CNTNAP2: variants seen among roughly 807,000 people sequenced by gnomAD.
CNTNAP2 encodes contactin associated protein 2, also known as contactin-associated protein-like 2.
In CNTNAP2, 98 loss-of-function variants were observed where a neutral mutation model predicts 155.2. That is an observed-to-expected ratio of 0.63 (90% CI 0.54 to 0.75). The LOEUF is 0.75. CNTNAP2 is among the 30% of genes least tolerant of loss of function. The pLI is 0.00. For synonymous variants in CNTNAP2, 651 were observed against 631.2 expected (o/e 1.03, Z -0.47); for missense variants, 1,727 against 1,688.1 (o/e 1.02, Z -0.40).
At chr7:147,504,413 G>A (rs1169386110) in intron 11 of CNTNAP2, among the ~76,000 whole-genome samples, 1 of 152,010 alleles carries the variant, frequency 6.6e-6, no homozygotes. Context: ...TTTAGTCCGG[G>A]CACAGTGGCT....
At chr7:147,779,136 T>G (rs892907178) in intron 13 of CNTNAP2, among the ~76,000 whole-genome samples, 1 of 152,224 alleles carries the variant, frequency 6.6e-6, no homozygotes, top group Admixed American at 6.5e-5. Flanking sequence ...CAGATAATAG[T>G]GAATAAAAAA....
chr7:146,135,301 T>A (rs924389608), intron 1 of CNTNAP2, among the ~76,000 whole-genome samples: 61 of 152,178 alleles, frequency 4.0e-4, no homozygotes, highest in Non-Finnish European at 5.1e-4. Flanking sequence ...TATGATATGA[T>A]TAGACGAAAA....
At chr7:146,551,004 A>G (rs542848041) in intron 1 of CNTNAP2, among the ~76,000 whole-genome samples, 5 of 152,226 alleles carry the variant, frequency 3.3e-5, no homozygotes, top group Admixed American at 6.5e-5. Context: ...GAAAATTTGT[A>G]GATGGTGGAA....
intron 1 of CNTNAP2, among the ~76,000 whole-genome samples, chr7:146,703,882 T>C (rs1800918779): frequency 6.6e-6 from 1 of 152,138 alleles, no homozygotes; most frequent in African/African-American, 2.4e-5. Flanking sequence ...CATTTGTCTT[T>C]CCATTTCTCT....
intron 13 of CNTNAP2, among the ~76,000 whole-genome samples, chr7:147,874,657 C>G (rs796338636): frequency 6.6e-6 from 1 of 152,212 alleles, no homozygotes; most frequent in Non-Finnish European, 1.5e-5. Context: ...TCCCTGTTGT[C>G]TTGGTGTTTA....
chr7:146,146,023 AATGAT>A (rs1797952152), intron 1 of CNTNAP2, among the ~76,000 whole-genome samples: 1 of 152,186 alleles, frequency 6.6e-6, no homozygotes, highest in South Asian at 2.1e-4. Context: ...CTAACCTTTA[AATGAT>A]ATATTTTGTT....
chr7:148,323,269 C>A, intron 21 of CNTNAP2, among the ~76,000 whole-genome samples: 1 of 140,336 alleles, frequency 7.1e-6, no homozygotes. Context: ...TCTTCTGTGC[C>A]ATATGGCTTC....
chr7:147,499,660 C>T (rs1798775056), intron 11 of CNTNAP2, among the ~76,000 whole-genome samples: 1 of 152,294 alleles, frequency 6.6e-6, no homozygotes, highest in African/African-American at 2.4e-5. Context: ...TAGTTCTCTC[C>T]CCCAAGCATG....
intron 11 of CNTNAP2, among the ~76,000 whole-genome samples, chr7:147,513,612 G>A (rs1304541944): frequency 6.6e-6 from 1 of 152,222 alleles, no homozygotes; most frequent in Non-Finnish European, 1.5e-5. Flanking sequence ...TGAAGCAAGT[G>A]TTGGATTCCC....
At chr7:147,356,234 AC>A (rs1445606876) in intron 9 of CNTNAP2, among the ~76,000 whole-genome samples, 1 of 152,004 alleles carries the variant, frequency 6.6e-6, no homozygotes, top group Non-Finnish European at 1.5e-5. Context: ...AAAATTCAAC[AC>A]CCCTTCATGC....
chr7:146,888,095 C>G (rs1021647540), intron 3 of CNTNAP2, among the ~76,000 whole-genome samples: 3 of 152,048 alleles, frequency 2.0e-5, no homozygotes, highest in Admixed American at 2.0e-4. Flanking sequence ...GCCTCAAGGA[C>G]CAGGTTTTTG....
At chr7:147,717,701 A>G (rs80151408) in intron 13 of CNTNAP2, among the ~76,000 whole-genome samples, 5,939 of 152,184 alleles carry the variant, frequency 0.039, 183 homozygotes, top group Non-Finnish European at 0.053. Flanking sequence ...ATTGATGAAA[A>G]AAATTTTGAG....
intron 12 of CNTNAP2, among the ~76,000 whole-genome samples, chr7:147,608,189 A>T (rs571079383): frequency 7.0e-6 from 1 of 142,070 alleles, no homozygotes. Context: ...TAGAATAATT[A>T]TTATCTTACT....
chr7:147,730,512 C>T (rs532540252), intron 13 of CNTNAP2, among the ~76,000 whole-genome samples: 2 of 152,066 alleles, frequency 1.3e-5, no homozygotes, highest in Admixed American at 6.6e-5. Flanking sequence ...GAACCATGAA[C>T]TCTGCCCGTA....
At chr7:148,187,923 C>T (rs532569467) in intron 18 of CNTNAP2, among the ~76,000 whole-genome samples, 1 of 152,018 alleles carries the variant, frequency 6.6e-6, no homozygotes, top group Admixed American at 6.6e-5. Flanking sequence ...TAAAAAGCTG[C>T]CCTGCCCCAA....
At chr7:146,520,383 C>T (rs1220536557) in intron 1 of CNTNAP2, among the ~76,000 whole-genome samples, 1 of 149,042 alleles carries the variant, frequency 6.7e-6, no homozygotes, top group Non-Finnish European at 1.5e-5. Flanking sequence ...ATATACACCT[C>T]TGAAGAGAAA....
chr7:147,660,644 G>T (rs1795594994), intron 13 of CNTNAP2, among the ~76,000 whole-genome samples: 1 of 152,056 alleles, frequency 6.6e-6, no homozygotes, highest in Admixed American at 6.6e-5. Flanking sequence ...CTCTGAACTG[G>T]TGCATATTGA....
rs533575292 is a variant in CNTNAP2, at chr7:148,203,409, C to G, written c.3011-13879C>G. On this transcript the variant is annotated intron_variant, in intron 18 of 23. Transcript: ENST00000361727. The stretch of plus-strand genomic sequence containing the variant: ...AACTACCAATTCCAGTTTAGTATGA[C>G]AAACTCTTTGGAAGTATTATATTTT... Among the ~76,000 whole-genome samples, 7 of 152,288 alleles carry G rather than the reference C, an allele frequency of 4.6e-5. No homozygotes were observed. The South Asian group carries it at 1.2e-3, about 27-fold the overall frequency.
chr7:147,355,165 T>C (rs1414067415), intron 9 of CNTNAP2, among the ~76,000 whole-genome samples: 2 of 151,962 alleles, frequency 1.3e-5, no homozygotes, highest in Middle Eastern at 3.4e-3. Context: ...CCCGTATACT[T>C]GAGGGACGTG....
Sources: allele counts gnomAD v4.1 joint callset (sites outside exome capture counted in the v4.1 genomes callset), GRCh38; gene constraint gnomAD v4.1.1; transcripts MANE v1.5; gene names NCBI Gene and HGNC (gene_info 2026-07-23, HGNC 2026-07-21).